ANO3: variants seen among roughly 807,000 people sequenced by gnomAD.
ANO3 encodes the protein anoctamin-3.
Under a neutral mutation model 144.8 loss-of-function variants are expected in ANO3, and 99 were observed. That is an observed-to-expected ratio of 0.68 (90% CI 0.58 to 0.81). ANO3 has a LOEUF of 0.81. ANO3 is among the 30% of genes least tolerant of loss of function. ANO3 has a pLI of 0.00. For synonymous variants in ANO3, 414 were observed against 392.6 expected, an observed-to-expected ratio of 1.05 and a Z score of -0.64; for missense variants, 905 against 1,202.2, an observed-to-expected ratio of 0.75 and a Z score of 3.66.
chr11:26,385,949 G>A (rs1856720283), intron 1 of ANO3, among the ~76,000 whole-genome samples: 1 of 150,640 alleles, frequency 6.6e-6, no homozygotes, highest in Admixed American at 6.6e-5. Flanking sequence ...ATGTATGTAT[G>A]TAATTTCTTT....
intron 14 of ANO3, among the ~76,000 whole-genome samples, chr11:26,578,438 C>A (rs1343662367): frequency 6.6e-6 from 1 of 152,104 alleles, no homozygotes; most frequent in Non-Finnish European, 1.5e-5. Flanking sequence ...TTAGGGGAGT[C>A]CCAGGTTTCA....
chr11:26,502,109 T>C (rs1269223296), intron 4 of ANO3, among the ~76,000 whole-genome samples: 1 of 152,246 alleles, frequency 6.6e-6, no homozygotes, highest in Non-Finnish European at 1.5e-5. Flanking sequence ...GCATTACTTA[T>C]CTGTTTCCAA....
chr11:26,505,816 C>CAAAAA (rs1344586478), intron 4 of ANO3, among the ~76,000 whole-genome samples: 39 of 151,248 alleles, frequency 2.6e-4, no homozygotes, highest in Non-Finnish European at 2.4e-4. Context: ...ACTAAAAATC[C>CAAAAA]AAAAAATAAA....
intron 3 of ANO3, among the ~76,000 whole-genome samples, chr11:26,451,349 G>A (rs932012198): frequency 2.0e-5 from 3 of 152,184 alleles, no homozygotes; most frequent in Admixed American, 2.0e-4. Context: ...AGGGGTGATG[G>A]GCGGCACCTG....
chr11:26,307,000 C>CT (rs375847832), upstream of ANO3, among the ~76,000 whole-genome samples: 2,436 of 149,274 alleles, frequency 0.016, 77 homozygotes, highest in African/African-American at 0.056. Flanking sequence ...TAAACTATGA[C>CT]TTTTTTTTTT....
At chr11:26,640,998 C>T (rs1853131305) in intron 21 of ANO3, among the ~76,000 whole-genome samples, 2 of 152,066 alleles carry the variant, frequency 1.3e-5, no homozygotes, top group African/African-American at 2.4e-5. Flanking sequence ...ACTTAGGTTC[C>T]GTGATTAAAA....
rs186594137 is a variant in ANO3 at position 26,449,133 on chromosome 11, A to G, written c.313+5297A>G. 3.8e-3 allele frequency among the ~76,000 whole-genome samples: 571 copies of G among 152,182 alleles called. 4 individuals carry two copies. Among genetic ancestry groups the G allele is most frequent in the African/African-American group, 0.013 (541 of 41,532 alleles). Reference sequence around the variant, plus strand: ...TTCCTGATGCTTCCCTTTTCTCACGAGCTGCAGACAGCTCAACCATCTTGT... The same window carrying G: ...TTCCTGATGCTTCCCTTTTCTCACGGGCTGCAGACAGCTCAACCATCTTGT... On this transcript the variant is annotated intron_variant, in intron 3 of 26. Coordinates refer to ENST00000256737, the MANE Select transcript of ANO3 (RefSeq NM_031418.4).
At chr11:26,452,723 C>G (rs988762737) in intron 3 of ANO3, among the ~76,000 whole-genome samples, 1 of 152,112 alleles carries the variant, frequency 6.6e-6, no homozygotes, top group Non-Finnish European at 1.5e-5. Context: ...TCAGGAAATA[C>G]AGAGAACACC....
At chr11:26,229,452 T>C (rs1461390) in intron 1 of ANO3, among the ~76,000 whole-genome samples, 54,876 of 152,000 alleles carry the variant, frequency 0.36, 11,027 homozygotes, top group Non-Finnish European at 0.44. Context: ...TTTCCTCATC[T>C]CTTTGTGAAC....
At chr11:26,426,801 C>T (rs538525741) in intron 1 of ANO3, among the ~76,000 whole-genome samples, 1 of 152,284 alleles carries the variant, frequency 6.6e-6, no homozygotes, top group African/African-American at 2.4e-5. Flanking sequence ...TGCTAACATG[C>T]TGCAGCAACG....
chr11:26,613,920 A>G (rs1046468153), intron 17 of ANO3, among the ~76,000 whole-genome samples: 1 of 152,232 alleles, frequency 6.6e-6, no homozygotes, highest in Admixed American at 6.5e-5. Context: ...GGCCATTTCC[A>G]GGCTGGCTGT....
chr11:26,242,727 C>A (rs553112604), intron 1 of ANO3, among the ~76,000 whole-genome samples: 22 of 152,138 alleles, frequency 1.4e-4, no homozygotes, highest in Non-Finnish European at 3.1e-4. Flanking sequence ...AAGTTAGTTA[C>A]ACAATCTGAT....
intron 14 of ANO3, among the ~76,000 whole-genome samples, chr11:26,595,907 T>G (rs1358172468): frequency 6.6e-6 from 1 of 152,232 alleles, no homozygotes; most frequent in Non-Finnish European, 1.5e-5. Flanking sequence ...TTTTTCTACT[T>G]TCTTCTGTTA....
chr11:26,467,679 G>A (rs955516145), intron 4 of ANO3, among the ~76,000 whole-genome samples: 4 of 147,638 alleles, frequency 2.7e-5, no homozygotes, highest in Non-Finnish European at 4.5e-5. Context: ...TTATCCATTC[G>A]CCTGTTGATG....
intron 14 of ANO3, among the ~76,000 whole-genome samples, chr11:26,568,419 A>G (rs1267089829): frequency 6.6e-6 from 1 of 151,772 alleles, no homozygotes; most frequent in African/African-American, 2.4e-5. Flanking sequence ...ATAAGTTGCA[A>G]AGGAATATAG....
At chr11:26,450,253 A>G (rs1034032989) in intron 3 of ANO3, among the ~76,000 whole-genome samples, 5 of 152,170 alleles carry the variant, frequency 3.3e-5, no homozygotes, top group African/African-American at 1.2e-4. Context: ...GAGGATTGGA[A>G]GAGTGCAGGG....
chr11:26,506,103 G>A (rs1021031873), intron 4 of ANO3, among the ~76,000 whole-genome samples: 4 of 151,436 alleles, frequency 2.6e-5, no homozygotes, highest in African/African-American at 9.7e-5. Context: ...GGAGGCAAAC[G>A]CCCTCTAAAA....
chr11:26,524,347 A>G (rs1218751829), intron 6 of ANO3, among the ~76,000 whole-genome samples: 1 of 152,214 alleles, frequency 6.6e-6, no homozygotes, highest in South Asian at 2.1e-4. Context: ...GGACAACTTT[A>G]AAATTATTTT....
At chr11:26,260,609 A>ATCCC in intron 1 of ANO3, among the ~76,000 whole-genome samples, 1 of 152,170 alleles carries the variant, frequency 6.6e-6, no homozygotes, top group African/African-American at 2.4e-5. Context: ...CTAGGGCAAG[A>ATCCC]AAAGATCCTG....
Sources: allele counts gnomAD v4.1 joint callset (sites outside exome capture counted in the v4.1 genomes callset), GRCh38; gene constraint gnomAD v4.1.1; transcripts MANE v1.5; gene names NCBI Gene and HGNC (gene_info 2026-07-23, HGNC 2026-07-21).